VPS13A: variants seen among roughly 807,000 people sequenced by gnomAD.
The protein encoded by VPS13A is intermembrane lipid transfer protein VPS13A.
Under a neutral mutation model 390.9 loss-of-function variants are expected in VPS13A, and 264 were observed. That is an observed-to-expected ratio of 0.68 (90% CI 0.61 to 0.75). The LOEUF (loss-of-function observed/expected upper bound fraction) is 0.75, where lower values mean the gene tolerates loss of function less well. Among genes scored for constraint, VPS13A ranks in the 30% least tolerant of loss-of-function variants. VPS13A has a pLI of 0.00. For missense variants in VPS13A, 3,409 were observed against 3,733.9 expected (o/e 0.91, Z 2.27); for synonymous variants, 1,231 against 1,227.1 (o/e 1.00, Z -0.07).
Position 77,243,893 on chromosome 9 carries a change from T to G in VPS13A, c.1901-3366T>G, listed in dbSNP as rs188013741. On this transcript the variant is annotated intron_variant, in intron 19 of 71. Transcript: ENST00000360280. ...GATAGGTATGTTTAATGTAATGAAT[T>G]ATTAACTGTAATGAGGGACTGTTTT... 4.6e-5 allele frequency among the ~76,000 whole-genome samples: 7 copies of G among 152,294 alleles called. No homozygotes were observed. The South Asian group carries it at 1.5e-3, about 32-fold the overall frequency.
Position 77,323,199 on chromosome 9 carries a change from A to G in VPS13A, c.5963A>G (p.Lys1988Arg). The G allele has an allele frequency of 6.2e-7, 1 of 1,613,490 alleles. No homozygotes were observed. The highest frequency in any genetic ancestry group is 1.1e-5 in the South Asian group (1 of 91,078). Residue 1988 changes from lysine to arginine, a missense_variant, in exon 45 of 72, where the codon AAG (lysine) becomes AGG (arginine). Lys to Arg is a conservative substitution (Grantham distance 26, BLOSUM62 2). Coordinates refer to ENST00000360280, the MANE Select transcript of VPS13A (RefSeq NM_033305.3). ...VCQIDTVEGS[K>R]KVTIRSPVQI... ...CAAATTGATACAGTAGAAGGAAGTA[A>G]GAAGGTCACAATTCGCTCCCCAGTG...
At chr9:77,205,261 G>A in intron 3 of VPS13A, 52 bp from the exon 4 acceptor site, 1 of 1,013,644 alleles carries the variant, frequency 9.9e-7, no homozygotes, top group Admixed American at 2.3e-5. Context: ...CATAAATGCA[G>A]GTTGAAGGAG....
intron 19 of VPS13A, among the ~76,000 whole-genome samples, chr9:77,238,671 TTCCTTTCTTAGAATGCGTTCCAG>T (rs1824289342): frequency 6.6e-6 from 1 of 152,208 alleles, no homozygotes; most frequent in Admixed American, 6.5e-5. Context: ...GCCTCTCGTT[TTCCTTTCTTAGAATGCGTTCCAG>T]ATTTTGATAT....
chr9:77,315,607 C>T, intron 38 of VPS13A, 137 bp downstream of exon 38: 1 of 887,020 alleles, frequency 1.1e-6, no homozygotes, highest in South Asian at 1.6e-5. Flanking sequence ...AGAAGGAAAA[C>T]CTTAATGTGT....
At chr9:77,178,641 C>CGAAA in intron 1 of VPS13A, among the ~76,000 whole-genome samples, 1 of 152,260 alleles carries the variant, frequency 6.6e-6, no homozygotes. Flanking sequence ...AAGGACCGAG[C>CGAAA]TTTCCTTGTG....
At chr9:77,195,780 AT>A (rs1024152371) in intron 1 of VPS13A, among the ~76,000 whole-genome samples, 50 of 151,772 alleles carry the variant, frequency 3.3e-4, no homozygotes, top group African/African-American at 1.1e-3. Flanking sequence ...TTTTATTTTT[AT>A]TTTTTTTCCA....
At chr9:77,304,940 T>TC (rs1828630951) in intron 34 of VPS13A, among the ~76,000 whole-genome samples, 1 of 149,610 alleles carries the variant, frequency 6.7e-6, no homozygotes. Flanking sequence ...CAGACTTTTT[T>TC]TCTTTTTTTT....
At chr9:77,321,398 T>C (rs1829737469) in intron 43 of VPS13A, 71 bp downstream of exon 43, 2 of 1,582,288 alleles carry the variant, frequency 1.3e-6, no homozygotes, top group Admixed American at 1.7e-5. Context: ...GAATAAGAAG[T>C]TTAATAACTT....
intron 52 of VPS13A, among the ~76,000 whole-genome samples, chr9:77,346,725 T>G (rs1831176180): frequency 6.6e-6 from 1 of 152,242 alleles, no homozygotes; most frequent in South Asian, 2.1e-4. Flanking sequence ...AATCCAATTT[T>G]ATTCTTCTAC....
chr9:77,306,406 GTGTGTGTT>G (rs1271883173), intron 34 of VPS13A, among the ~76,000 whole-genome samples: 41 of 127,258 alleles, frequency 3.2e-4, no homozygotes, highest in African/African-American at 1.2e-3. Flanking sequence ...GAGAGAGTGT[GTGTGTGTT>G]TGTGTGTGTG....
At chr9:77,311,987 A>G (rs1368779194) in intron 35 of VPS13A, among the ~76,000 whole-genome samples, 2 of 152,186 alleles carry the variant, frequency 1.3e-5, no homozygotes, top group African/African-American at 2.4e-5. Context: ...ATATATCAGA[A>G]TTTGTGGAAT....
intron 50 of VPS13A, among the ~76,000 whole-genome samples, chr9:77,343,258 G>C (rs1830939212): frequency 6.6e-6 from 1 of 152,164 alleles, no homozygotes; most frequent in Non-Finnish European, 1.5e-5. Context: ...CCCTGGCTGT[G>C]CGCAAAGTCA....
chr9:77,308,526 T>C (rs1323213434), intron 35 of VPS13A, among the ~76,000 whole-genome samples: 3 of 152,126 alleles, frequency 2.0e-5, no homozygotes, highest in Admixed American at 6.5e-5. Context: ...TATCAAAGTA[T>C]TAGAGGTGCA....
chr9:77,335,665 G>A (rs1255403916), intron 46 of VPS13A, among the ~76,000 whole-genome samples: 5 of 152,114 alleles, frequency 3.3e-5, no homozygotes, highest in Non-Finnish European at 7.4e-5. Flanking sequence ...ACCATCTCAC[G>A]CCAGTTAGAA....
intron 44 of VPS13A, among the ~76,000 whole-genome samples, chr9:77,322,019 A>C (rs1443810515): frequency 2.0e-5 from 3 of 151,910 alleles, no homozygotes; most frequent in Non-Finnish European, 4.4e-5. Flanking sequence ...GAGGAAAAAT[A>C]TTAGATCTCG....
chr9:77,344,203 C>G lies in VPS13A; in HGVS notation c.7077C>G (p.Val2359=). Residue 2359 remains valine (V), a synonymous_variant, in exon 51 of 72, where the codon GTC becomes GTG. Coordinates refer to ENST00000360280, the MANE Select transcript of VPS13A (RefSeq NM_033305.3). ...EYASSKLLIQ[V]ERSEDPPKRI... is the part of the protein sequence containing the mutation. ...CTTCTAGTAAACTTCTTATTCAAGT[C>G]GAAAGGAGTGAAGATCCTCCCAAAA... is the stretch of plus-strand genomic sequence containing the variant. 6.2e-7 allele frequency: 1 copy of G among 1,612,110 alleles called. No individual in the cohort carries two copies. The highest frequency in any genetic ancestry group is 1.7e-5 in the Admixed American group (1 of 59,976).
chr9:77,412,371 C>A (rs1330504750), intron 71 of VPS13A, among the ~76,000 whole-genome samples: 5 of 152,196 alleles, frequency 3.3e-5, no homozygotes, highest in African/African-American at 1.2e-4. Context: ...CCGAATCCAG[C>A]AGCACATCAA....
intron 1 of VPS13A, among the ~76,000 whole-genome samples, chr9:77,184,867 G>A (rs1258970041): frequency 6.6e-6 from 1 of 152,052 alleles, no homozygotes; most frequent in African/African-American, 2.4e-5. Flanking sequence ...CCACAACAGG[G>A]AGGGCATGGA....
chr9:77,332,154 G>A (rs1830310155), intron 46 of VPS13A, 41 bp downstream of exon 46: 1 of 1,503,018 alleles, frequency 6.7e-7, no homozygotes, highest in African/African-American at 1.4e-5. Flanking sequence ...AAAATCTCTT[G>A]TAGAATTTTT....
Sources: allele counts gnomAD v4.1 joint callset (sites outside exome capture counted in the v4.1 genomes callset), GRCh38; gene constraint gnomAD v4.1.1; transcripts MANE v1.5; gene names NCBI Gene and HGNC (gene_info 2026-07-23, HGNC 2026-07-21).